The following DNA2 variants were observed in gnomAD, a reference collection of about 807,000 sequenced individuals.
DNA2 encodes DNA replication ATP-dependent helicase/nuclease DNA2.
A neutral mutation model predicts 119.1 loss-of-function variants in DNA2; 101 were observed. The observed-to-expected ratio is 0.85, with a 90% CI of 0.72 to 1.00. The LOEUF is 1.00. Among genes scored for constraint, DNA2 ranks in the 50% least tolerant of loss-of-function variants. The pLI is 0.00. For synonymous variants in DNA2, 366 were observed against 424.4 expected, an observed-to-expected ratio of 0.86 and a Z score of 1.69; for missense variants, 1,121 against 1,255.5, an observed-to-expected ratio of 0.89 and a Z score of 1.62.
At chr10:68,460,419 ATTT>A (rs202173711) in intron 4 of DNA2, among the ~76,000 whole-genome samples, 13,310 of 143,096 alleles carry the variant, frequency 0.093, 896 homozygotes, top group South Asian at 0.26. Context: ...TAATACGGTA[ATTT>A]TTTTTTTTTT....
intron 6 of DNA2, among the ~76,000 whole-genome samples, chr10:68,447,308 A>G (rs1320828278): frequency 1.3e-5 from 2 of 152,036 alleles, no homozygotes. Flanking sequence ...ACTTGAGGTC[A>G]GGAGTTCGAG....
intron 17 of DNA2, among the ~76,000 whole-genome samples, 163 bp from the exon 18 acceptor site, chr10:68,420,055 A>G (rs2133357734): frequency 2.0e-5 from 3 of 152,346 alleles, no homozygotes; most frequent in African/African-American, 7.2e-5. Context: ...AATATTAGTC[A>G]CTTTCAGAAA....
intron 4 of DNA2, among the ~76,000 whole-genome samples, chr10:68,460,089 TTC>T (rs957931936): frequency 6.6e-6 from 1 of 151,172 alleles, no homozygotes; most frequent in African/African-American, 2.4e-5. Flanking sequence ...ATTTTTTTTC[TTC>T]TTTTTCTTTT....
At chr10:68,447,327 G>C (rs2052053329) in intron 6 of DNA2, among the ~76,000 whole-genome samples, 1 of 151,866 alleles carries the variant, frequency 6.6e-6, no homozygotes, top group Non-Finnish European at 1.5e-5. Flanking sequence ...AGACCAGCCT[G>C]GCCAACATAG....
intron 9 of DNA2, among the ~76,000 whole-genome samples, chr10:68,437,482 A>AT (rs2051905358): frequency 6.6e-6 from 1 of 151,078 alleles, no homozygotes; most frequent in Non-Finnish European, 1.5e-5. Flanking sequence ...ACTAAAAAAA[A>AT]AAAAATAAAA....
intron 14 of DNA2, 62 bp from the exon 15 acceptor site, chr10:68,422,952 T>A: frequency 7.9e-7 from 1 of 1,272,974 alleles, no homozygotes. Flanking sequence ...TTTGTTTCTC[T>A]CATTTTTGAA....
Position 68,442,926 on chromosome 10 carries a change from G to A in DNA2, c.1406C>T (p.Ala469Val), listed in dbSNP as rs2051988913. 6.2e-7 allele frequency: 1 copy of A among 1,609,916 alleles called. No individual in the cohort carries two copies. The highest frequency in any genetic ancestry group is 8.5e-7 in the Non-Finnish European group (1 of 1,178,488). Residue 469 changes from alanine to valine, a missense_variant, in exon 9 of 21, where the codon GCT becomes GTT. Coordinates refer to ENST00000358410, the MANE Select transcript of DNA2 (RefSeq NM_001080449.3). ...KNHQNIWLMP[A>V]SEMEKSGSCI... ...TAAATGGACCACTTACATTTCCGAA[G>A]CAGGCATTAGCCAGATATTTTGGTG...
chr10:68,424,847 C>T (rs528278358), intron 14 of DNA2: 47 of 815,002 alleles, frequency 5.8e-5, no homozygotes, highest in Admixed American at 1.6e-4. Context: ...CAACCGTCCA[C>T]GTGGGTACTC....
chr10:68,439,875 C>T (rs571795310), intron 9 of DNA2, among the ~76,000 whole-genome samples: 1 of 151,366 alleles, frequency 6.6e-6, no homozygotes, highest in African/African-American at 2.4e-5. Context: ...CATGGTGGCA[C>T]GCACCTGTAG....
At chr10:68,454,003 T>C (rs952440602) in intron 5 of DNA2, among the ~76,000 whole-genome samples, 4 of 152,220 alleles carry the variant, frequency 2.6e-5, no homozygotes, top group Admixed American at 2.6e-4. Context: ...CCACACTCTT[T>C]CCTTAGCATC....
intron 4 of DNA2, 105 bp downstream of exon 4, chr10:68,465,562 G>T: frequency 1.1e-6 from 1 of 875,400 alleles, no homozygotes; most frequent in East Asian, 3.0e-5. Flanking sequence ...CTGCATTTTA[G>T]ATTACACTAA....
chr10:68,432,191 G>C lies in DNA2; in HGVS notation c.1873+15C>G. On this transcript the variant is annotated intron_variant, in intron 12 of 20. Coordinates refer to ENST00000358410, the MANE Select transcript of DNA2 (RefSeq NM_001080449.3). ...AGAAAAATTAATCAAAGCAGACATG[G>C]TGATTTTAGCATACCCTTTAGAATG... 1 of 1,490,654 alleles carries C rather than the reference G, an allele frequency of 6.7e-7. No homozygotes were observed. Among genetic ancestry groups the C allele is most frequent in the Non-Finnish European group, 9.2e-7 (1 of 1,090,838 alleles). The allele number at this position is 1,490,654 out of a possible 1,614,324, so 92.3% of individuals were successfully genotyped here.
chr10:68,451,395 A>G (rs2052115924), intron 5 of DNA2, among the ~76,000 whole-genome samples: 1 of 152,286 alleles, frequency 6.6e-6, no homozygotes, highest in East Asian at 1.9e-4. Context: ...GAACATATAA[A>G]TGTTGAAGGA....
chr10:68,417,274 C>T (rs901678801), intron 19 of DNA2, among the ~76,000 whole-genome samples: 46 of 148,692 alleles, frequency 3.1e-4, no homozygotes, highest in African/African-American at 1.1e-3. Flanking sequence ...GAGGTAAGAA[C>T]TGAGTAGATG....
intron 9 of DNA2, among the ~76,000 whole-genome samples, chr10:68,440,363 T>A (rs2133393411): frequency 6.6e-6 from 1 of 152,278 alleles, no homozygotes; most frequent in African/African-American, 2.4e-5. Context: ...AGTGGCACAA[T>A]CTTGGCTGAC....
chr10:68,471,772 C>T lies in DNA2; in HGVS notation c.74+19G>A. ...AAATCTCCCGCTTTGTTCCCACACC[C>T]TCCCCCCTCTCCGCTCACAGCTCCG... On this transcript the variant is annotated intron_variant, in intron 1 of 20. Coordinates refer to ENST00000358410, the MANE Select transcript of DNA2 (RefSeq NM_001080449.3). The T allele has an allele frequency of 6.3e-7, 1 of 1,583,030 alleles. No individual in the cohort carries two copies. The highest frequency in any genetic ancestry group is 8.6e-7 in the Non-Finnish European group (1 of 1,165,806).
rs1429308709 is a variant in DNA2, at chr10:68,419,754, C to CTTTTTTTTTTTTTTTTTTTTTTTT, written c.2787+48_2787+49insAAAAAAAAAAAAAAAAAAAAAAAA. On this transcript the variant is annotated intron_variant, in intron 18 of 20. Coordinates refer to ENST00000358410, the MANE Select transcript of DNA2 (RefSeq NM_001080449.3). ...TGTAAGTGTCTTACAGTCTAACATTCTTTTATTCTGCACTTTAATATTTGC... is the reference window on the plus strand; with the variant it reads ...TGTAAGTGTCTTACAGTCTAACATTCTTTTTTTTTTTTTTTTTTTTTTTTTTTTATTCTGCACTTTAATATTTGC... 9 of 1,390,698 alleles carry CTTTTTTTTTTTTTTTTTTTTTTTT rather than the reference C, an allele frequency of 6.5e-6. No homozygotes were observed. The African/African-American group carries it at 1.3e-4, about 20-fold the overall frequency. The allele number at this position is 1,390,698 out of a possible 1,614,324, so 86.1% of individuals were successfully genotyped here.
intron 6 of DNA2, among the ~76,000 whole-genome samples, chr10:68,447,753 G>A (rs2052060576): frequency 6.6e-6 from 1 of 151,838 alleles, no homozygotes; most frequent in Non-Finnish European, 1.5e-5. Context: ...GGAGGCCGAG[G>A]CGGGCGGATC....
At chr10:68,417,184 G>C (rs2051600058) in intron 19 of DNA2, among the ~76,000 whole-genome samples, 1 of 149,622 alleles carries the variant, frequency 6.7e-6, no homozygotes, top group African/African-American at 2.5e-5. Flanking sequence ...CTTGAGCCCA[G>C]AAGTCAAGGA....
Sources: allele counts gnomAD v4.1 joint callset (sites outside exome capture counted in the v4.1 genomes callset), GRCh38; gene constraint gnomAD v4.1.1; transcripts MANE v1.5; gene names NCBI Gene and HGNC (gene_info 2026-07-23, HGNC 2026-07-21).